Variants in UGT2A1 observed in about 807,000 individuals in gnomAD.
UGT2A1 encodes UDP glucuronosyltransferase family 2 member A1 complex locus, also known as UDP-glucuronosyltransferase 2A1.
A neutral mutation model predicts 45.4 loss-of-function variants in UGT2A1; 61 were observed. The observed-to-expected ratio is 1.34, with a 90% CI of 1.09 to 1.66. UGT2A1 has a LOEUF of 1.66. Among genes scored for constraint, UGT2A1 ranks in the 40% most tolerant of loss-of-function variants. The probability of loss-of-function intolerance (pLI) is 0.00; values close to 1 mark genes in which losing one functional copy is unlikely to be tolerated. For missense variants in UGT2A1, 649 were observed against 574.3 expected (o/e 1.13, Z -1.33); for synonymous variants, 229 against 196.2 (o/e 1.17, Z -1.40).
chr4:69,644,647 TC>T (rs1722176779), intron 2 of UGT2A1, among the ~76,000 whole-genome samples: 1 of 151,694 alleles, frequency 6.6e-6, no homozygotes, highest in African/African-American at 2.4e-5. Context: ...TTATCTATAA[TC>T]ATTGTAGCAA....
Position 69,608,956 on chromosome 4 carries a change from T to C in UGT2A1, c.848-9562A>G, listed in dbSNP as rs551602315. Among the ~76,000 whole-genome samples, 107 of 152,270 alleles carry C rather than the reference T, an allele frequency of 7.0e-4. 1 individual carries two copies. The highest frequency in any genetic ancestry group is 2.3e-3 in the African/African-American group (96 of 41,574). On this transcript the variant is annotated intron_variant, in intron 3 of 6. Transcript: ENST00000286604. ...TTAAGACAGCATAAAAATCCTTTTT[T>C]TAATTTCATAGTAGAAAAGGATTTC...
At chr4:69,617,195 G>C (rs924180138) in intron 3 of UGT2A1, among the ~76,000 whole-genome samples, 2 of 151,880 alleles carry the variant, frequency 1.3e-5, no homozygotes, top group African/African-American at 2.4e-5. Flanking sequence ...TCCTTTGGCA[G>C]TTGCTAAATG....
chr4:69,617,365 C>T (rs942611135), intron 3 of UGT2A1, among the ~76,000 whole-genome samples: 1 of 151,398 alleles, frequency 6.6e-6, no homozygotes, highest in Non-Finnish European at 1.5e-5. Context: ...TTGTTGACGG[C>T]GTAAAAATAA....
At position 69,647,079 on chromosome 4, in the gene UGT2A1, G is replaced by A. The variant is rs1425185453; in HGVS notation, c.566C>T (p.Pro189Leu). ...TAAAACAGCAGGAACATAGGAAGGAGGGTATGGTACCTTCCCACAGTGCTT... is the reference window on the plus strand; with the variant it reads ...TAAAACAGCAGGAACATAGGAAGGAAGGTATGGTACCTTCCCACAGTGCTT... ...VEKHCGKVPYPPSYVPAVLSE... is the reference protein window; with the variant it reads ...VEKHCGKVPYLPSYVPAVLSE... The change falls in exon 2 of 7, where the codon CCT becomes CTT. Residue 189 changes from proline to leucine, a missense_variant. Coordinates refer to ENST00000286604, the MANE Select transcript of UGT2A1 (RefSeq NM_001252275.3). 6.2e-7 allele frequency: 1 copy of A among 1,612,906 alleles called. No homozygotes were observed. The highest frequency in any genetic ancestry group is 1.7e-5 in the Admixed American group (1 of 59,856).
intron 3 of UGT2A1, among the ~76,000 whole-genome samples, chr4:69,611,611 A>G (rs1325101211): frequency 6.6e-6 from 1 of 152,154 alleles, no homozygotes; most frequent in East Asian, 1.9e-4. Context: ...TGAGAAAACG[A>G]AGGTCTAACA....
chr4:69,652,441 A>G (rs1021526168), intron 1 of UGT2A1, among the ~76,000 whole-genome samples: 1 of 150,914 alleles, frequency 6.6e-6, no homozygotes, highest in Non-Finnish European at 1.5e-5. Context: ...CCACCACCAC[A>G]CCTGTCTAAT....
In UGT2A1 at chr4:69,647,048, T is replaced by A; in HGVS notation, c.597A>T (p.Glu199Asp). Residue 199 changes from glutamate to aspartate, a missense_variant, in exon 2 of 7, where the codon GAA (glutamate) becomes GAT (aspartate). Transcript: ENST00000286604. Reference sequence around the variant, plus strand: ...CAGTGAAAGACATTTGGTCGGTGAGTTCTGATAAAACAGCAGGAACATAGG... The same window carrying A: ...CAGTGAAAGACATTTGGTCGGTGAGATCTGATAAAACAGCAGGAACATAGG... ...PPSYVPAVLS[E>D]LTDQMSFTDR... 2 of 1,612,866 alleles carry A rather than the reference T, an allele frequency of 1.2e-6. No homozygotes were observed. Among genetic ancestry groups the A allele is most frequent in the Non-Finnish European group, 1.7e-6 (2 of 1,179,262 alleles).
intron 3 of UGT2A1, among the ~76,000 whole-genome samples, chr4:69,632,248 A>G (rs1000026410): frequency 2.4e-4 from 37 of 152,212 alleles, no homozygotes; most frequent in African/African-American, 8.7e-4. Context: ...CCATGAAGGA[A>G]GAGGGAAGGC....
chr4:69,639,435 A>G (rs763063281), intron 2 of UGT2A1: 2 of 1,613,148 alleles, frequency 1.2e-6, no homozygotes, highest in African/African-American at 2.7e-5. Flanking sequence ...GGAGTTGATG[A>G]ATAGAGTTGC....
intron 3 of UGT2A1, among the ~76,000 whole-genome samples, chr4:69,617,605 A>G (rs4148291): frequency 6.6e-6 from 1 of 151,528 alleles, no homozygotes; most frequent in Non-Finnish European, 1.5e-5. Context: ...AGTGCTATCT[A>G]TAAGTTAAAA....
chr4:69,649,553 A>G (rs1722428220), intron 1 of UGT2A1, among the ~76,000 whole-genome samples: 1 of 152,112 alleles, frequency 6.6e-6, no homozygotes, highest in African/African-American at 2.4e-5. Context: ...AGTTAGGCAG[A>G]TAGTTAGAAC....
intron 3 of UGT2A1, among the ~76,000 whole-genome samples, chr4:69,604,428 C>T (rs1296960600): frequency 7.3e-6 from 1 of 136,812 alleles, no homozygotes; most frequent in African/African-American, 3.0e-5. Context: ...AAGCACTAAA[C>T]ATAGAAAGGA....
intron 2 of UGT2A1, among the ~76,000 whole-genome samples, chr4:69,643,093 G>A (rs1336522633): frequency 6.6e-6 from 1 of 151,326 alleles, no homozygotes; most frequent in Non-Finnish European, 1.5e-5. Flanking sequence ...CTCTCCTAAT[G>A]CCAAAAATAT....
chr4:69,606,007 G>A lies in UGT2A1; in HGVS notation c.848-6613C>T, dbSNP rs1271480175. 2.2e-5 allele frequency among the ~76,000 whole-genome samples: 3 copies of A among 136,332 alleles called. 1 individual carries two copies. The highest frequency in any genetic ancestry group is 8.9e-5 in the African/African-American group (3 of 33,584). The allele number at this position is 136,332 out of a possible 152,430, so 89.4% of individuals were successfully genotyped here. ...TCTACCAGAAGTACAAGGAGGAGCT[G>A]GTACCATTCCTTCTGAAACTATTCC... On this transcript the variant is annotated intron_variant, in intron 3 of 6. Coordinates refer to ENST00000286604, the MANE Select transcript of UGT2A1 (RefSeq NM_001252275.3).
chr4:69,618,097 A>T (rs1189597023), intron 3 of UGT2A1, among the ~76,000 whole-genome samples: 2 of 151,888 alleles, frequency 1.3e-5, no homozygotes, highest in Non-Finnish European at 2.9e-5. Flanking sequence ...ATTAGATTAC[A>T]TGTTTTTATA....
At chr4:69,625,857 T>G (rs1456738946) in intron 3 of UGT2A1, among the ~76,000 whole-genome samples, 1 of 151,550 alleles carries the variant, frequency 6.6e-6, no homozygotes, top group Non-Finnish European at 1.5e-5. Context: ...AATATCAAAT[T>G]ACAAAATTCA....
In UGT2A1 at chr4:69,605,765, C is replaced by A. The variant is rs934494750; in HGVS notation, c.848-6371G>T. On this transcript the variant is annotated intron_variant, in intron 3 of 6. Transcript: ENST00000286604. ...TATCACCACCGATCCCACAGAAATA[C>A]AAAGTACCATCAGAGAATACTATAA... Among the ~76,000 whole-genome samples, 3 of 136,838 alleles carry A rather than the reference C, an allele frequency of 2.2e-5. 1 individual carries two copies. Among genetic ancestry groups the A allele is most frequent in the Admixed American group, 1.4e-4 (2 of 13,930 alleles). The allele number at this position is 136,838 out of a possible 152,430, so 89.8% of individuals were successfully genotyped here.
intron 3 of UGT2A1, among the ~76,000 whole-genome samples, chr4:69,627,969 C>T (rs1721183686): frequency 6.6e-6 from 1 of 151,886 alleles, no homozygotes; most frequent in South Asian, 2.1e-4. Flanking sequence ...CCACAGATTG[C>T]CTTTTAAGTT....
intron 2 of UGT2A1, among the ~76,000 whole-genome samples, chr4:69,646,728 T>G (rs1376626493): frequency 6.6e-6 from 1 of 151,864 alleles, no homozygotes; most frequent in Non-Finnish European, 1.5e-5. Flanking sequence ...TTGATATATT[T>G]AAGTCCATGC....
Sources: allele counts gnomAD v4.1 joint callset (sites outside exome capture counted in the v4.1 genomes callset), GRCh38; gene constraint gnomAD v4.1.1; transcripts MANE v1.5; gene names NCBI Gene and HGNC (gene_info 2026-07-23, HGNC 2026-07-21).